Variants in ZSWIM5 observed in about 807,000 individuals in gnomAD.
ZSWIM5 encodes the protein zinc finger SWIM domain-containing protein 5.
A neutral mutation model predicts 119.6 loss-of-function variants in ZSWIM5; 55 were observed. The observed-to-expected ratio is 0.46, with a 90% confidence interval of 0.37 to 0.58. The LOEUF is 0.58. Ranked by LOEUF, ZSWIM5 falls within the 20% of genes least tolerant of loss-of-function variation. The pLI is 0.00. For missense variants in ZSWIM5, 1,193 were observed against 1,512.8 expected, an observed-to-expected ratio of 0.79 and a Z score of 3.51; for synonymous variants, 537 against 606.9, an observed-to-expected ratio of 0.88 and a Z score of 1.69.
intron 1 of ZSWIM5, among the ~76,000 whole-genome samples, chr1:45,090,431 T>G (rs2149012600): frequency 6.6e-6 from 1 of 152,234 alleles, no homozygotes; most frequent in Non-Finnish European, 1.5e-5. Flanking sequence ...TAAAGATTAA[T>G]TACAGGTAAA....
chr1:45,100,514 AC>A (rs1292218270), intron 1 of ZSWIM5, among the ~76,000 whole-genome samples: 2 of 152,248 alleles, frequency 1.3e-5, no homozygotes, highest in African/African-American at 4.8e-5. Context: ...CCATCAAACT[AC>A]CAATGACTTT....
chr1:45,029,049 C>T (rs1436470776), intron 11 of ZSWIM5, among the ~76,000 whole-genome samples: 1 of 152,216 alleles, frequency 6.6e-6, no homozygotes, highest in Non-Finnish European at 1.5e-5. Context: ...GATGCCCCAT[C>T]ACTCCTGACT....
chr1:45,115,072 T>C (rs1645542903), intron 1 of ZSWIM5, among the ~76,000 whole-genome samples: 1 of 152,240 alleles, frequency 6.6e-6, no homozygotes. Context: ...AACAATCCGA[T>C]TTCTCTTTCT....
At chr1:45,182,707 AAT>A (rs1397695914) in intron 1 of ZSWIM5, among the ~76,000 whole-genome samples, 3 of 151,976 alleles carry the variant, frequency 2.0e-5, no homozygotes, top group South Asian at 4.1e-4. Context: ...AACTATCCTA[AAT>A]ATATATGCAC....
At chr1:45,128,254 T>A (rs1282727775) in intron 1 of ZSWIM5, among the ~76,000 whole-genome samples, 1 of 152,176 alleles carries the variant, frequency 6.6e-6, no homozygotes, top group African/African-American at 2.4e-5. Flanking sequence ...TGTCTTAGTC[T>A]GTCATCACAG....
chr1:45,189,726 A>G (rs1162857244), intron 1 of ZSWIM5, among the ~76,000 whole-genome samples: 1 of 152,214 alleles, frequency 6.6e-6, no homozygotes, highest in Non-Finnish European at 1.5e-5. Context: ...GCTGCATTCC[A>G]GCCTGGGTGA....
rs527598307 is a variant in ZSWIM5, at chr1:45,205,440, C to T, written c.595+316G>A. Among the ~76,000 whole-genome samples the T allele has an allele frequency of 3.9e-5, 6 of 152,294 alleles. No individual in the cohort carries two copies. In the East Asian group the frequency reaches 9.7e-4, roughly 25 times the overall value. On this transcript the variant is annotated intron_variant, in intron 1 of 13. Transcript: ENST00000359600. ...TCTCCAAACTTAAATTAGGACAACA[C>T]ATTTCTGAAATTATTACATCCAAAA...
intron 11 of ZSWIM5, among the ~76,000 whole-genome samples, chr1:45,032,674 CAG>C (rs1377680956): frequency 6.6e-6 from 1 of 151,008 alleles, no homozygotes; most frequent in Non-Finnish European, 1.5e-5. Context: ...TTAGTAGAGA[CAG>C]GGGTTTCACC....
intron 1 of ZSWIM5, among the ~76,000 whole-genome samples, chr1:45,181,440 G>C (rs1215394638): frequency 2.0e-5 from 3 of 152,118 alleles, no homozygotes; most frequent in African/African-American, 7.2e-5. Flanking sequence ...TATGTGAAAA[G>C]ACCAAATCTG....
chr1:45,199,461 G>A (rs1646146580), intron 1 of ZSWIM5, among the ~76,000 whole-genome samples: 1 of 151,958 alleles, frequency 6.6e-6, no homozygotes, highest in Admixed American at 6.6e-5. Flanking sequence ...ACCACACCTG[G>A]CTAATATTTT....
At chr1:45,045,150 G>A (rs954441049) in intron 5 of ZSWIM5, among the ~76,000 whole-genome samples, 3 of 151,910 alleles carry the variant, frequency 2.0e-5, no homozygotes, top group Non-Finnish European at 4.4e-5. Context: ...TCTTAAGGGT[G>A]GTATGTAGGA....
rs192369532 is a variant in ZSWIM5 at position 45,029,306 on chromosome 1, A to G, written c.2449+5006T>C. On this transcript the variant is annotated intron_variant, in intron 11 of 13. Coordinates refer to ENST00000359600, the MANE Select transcript of ZSWIM5 (RefSeq NM_020883.2). ...TCCCCATCTTTCCTTGACATTCATG[A>G]CCTTGACACTTTTGCAGGCTAGTTA... 2.0e-5 allele frequency among the ~76,000 whole-genome samples: 3 copies of G among 152,336 alleles called. No individual in the cohort carries two copies. The East Asian group carries it at 5.8e-4, about 29-fold the overall frequency.
intron 1 of ZSWIM5, among the ~76,000 whole-genome samples, chr1:45,105,153 T>C (rs917348019): frequency 2.0e-5 from 3 of 152,176 alleles, no homozygotes; most frequent in African/African-American, 4.8e-5. Context: ...GGTTTCACCG[T>C]GTTGACCAGG....
At chr1:45,035,505 C>T (rs1228314059) in intron 10 of ZSWIM5, among the ~76,000 whole-genome samples, 183 bp downstream of exon 10, 5 of 152,062 alleles carry the variant, frequency 3.3e-5, no homozygotes, top group African/African-American at 4.8e-5. Context: ...AAGTCACCAA[C>T]AAGGAATCCA....
intron 1 of ZSWIM5, among the ~76,000 whole-genome samples, chr1:45,147,598 A>AAAAAAAAAG: frequency 6.6e-6 from 1 of 151,172 alleles, no homozygotes. Flanking sequence ...AAAAAAAAAA[A>AAAAAAAAAG]AAAAAAGGAA....
At position 45,148,782 on chromosome 1, in the gene ZSWIM5, C is replaced by T. The variant is rs374486849; in HGVS notation, c.595+56974G>A. On this transcript the variant is annotated intron_variant, in intron 1 of 13. Coordinates refer to ENST00000359600, the MANE Select transcript of ZSWIM5 (RefSeq NM_020883.2). ...AGCTATACACAGTGATAGCCTCCCT[C>T]GGATAGCTAATATTCATTCCTCAAA... Among the ~76,000 whole-genome samples the T allele has an allele frequency of 2.0e-5, 3 of 152,356 alleles. No homozygotes were observed. In the East Asian group the frequency reaches 5.8e-4, roughly 29 times the overall value.
intron 1 of ZSWIM5, among the ~76,000 whole-genome samples, chr1:45,182,188 G>A (rs570515775): frequency 2.6e-4 from 40 of 152,100 alleles, no homozygotes; most frequent in Non-Finnish European, 3.8e-4. Context: ...AGGCCGAGGC[G>A]GGCGGATCAC....
intron 1 of ZSWIM5, among the ~76,000 whole-genome samples, chr1:45,115,163 C>G (rs1379055742): frequency 6.6e-6 from 1 of 152,250 alleles, no homozygotes; most frequent in African/African-American, 2.4e-5. Flanking sequence ...GTTGGGTACA[C>G]CTCCCAGACG....
chr1:45,058,878 GC>G, intron 3 of ZSWIM5, 119 bp from the exon 4 acceptor site: 2 of 1,192,798 alleles, frequency 1.7e-6, no homozygotes, highest in Middle Eastern at 2.3e-4. Context: ...ATCCAAAAGA[GC>G]CAGAAAGAAG....
Sources: gnomAD v4.1 joint callset for allele counts (sites outside exome capture counted in the v4.1 genomes callset) on GRCh38, gnomAD v4.1.1 for gene constraint, MANE v1.5 for transcripts, NCBI Gene and HGNC (gene_info 2026-07-23, HGNC 2026-07-21) for gene names.